The following TENM4 variants were observed in gnomAD, a reference collection of about 807,000 sequenced individuals.
The protein encoded by TENM4 is teneurin transmembrane protein 4.
TENM4 carries 82 observed loss-of-function variants against 243.3 expected under a neutral mutation model. The ratio of observed to expected loss-of-function variants is 0.34; its 90% CI spans 0.28 to 0.40. The LOEUF is 0.40. Ranked by LOEUF, TENM4 falls within the 10% of genes least tolerant of loss-of-function variation. The probability of loss-of-function intolerance (pLI) is 1.00; values close to 1 mark genes in which losing one functional copy is unlikely to be tolerated. For missense variants in TENM4, 3,138 were observed against 3,673.3 expected (o/e 0.85, Z 3.77); for synonymous variants, 1,412 against 1,456.3 (o/e 0.97, Z 0.69).
At chr11:78,707,735 A>G (rs1859292194) in intron 27 of TENM4, among the ~76,000 whole-genome samples, 1 of 152,226 alleles carries the variant, frequency 6.6e-6, no homozygotes, top group Non-Finnish European at 1.5e-5. Context: ...TTGTTCATTC[A>G]TCACCTCTGA....
At chr11:79,234,514 G>C (rs1285697170) in intron 2 of TENM4, among the ~76,000 whole-genome samples, 1 of 152,180 alleles carries the variant, frequency 6.6e-6, no homozygotes, top group East Asian at 1.9e-4. Context: ...TGTACCAAGG[G>C]CTGCCCTCAG....
intron 3 of TENM4, among the ~76,000 whole-genome samples, chr11:79,149,830 C>A (rs1862468369): frequency 6.6e-6 from 1 of 152,250 alleles, no homozygotes; most frequent in East Asian, 1.9e-4. Flanking sequence ...TCCCTCACAC[C>A]ATTTAAAATT....
chr11:78,816,071 T>G (rs1419757093), intron 12 of TENM4, among the ~76,000 whole-genome samples: 3 of 152,232 alleles, frequency 2.0e-5, no homozygotes, highest in Non-Finnish European at 4.4e-5. Context: ...GCTCTGTGAC[T>G]GACACAGCCA....
At chr11:78,984,082 T>A (rs1046153066) in intron 6 of TENM4, among the ~76,000 whole-genome samples, 1 of 152,162 alleles carries the variant, frequency 6.6e-6, no homozygotes, top group African/African-American at 2.4e-5. Context: ...GCCACCAGTT[T>A]CTTCTCTGAA....
intron 9 of TENM4, among the ~76,000 whole-genome samples, chr11:78,884,479 A>G (rs1162614263): frequency 1.3e-5 from 2 of 152,106 alleles, no homozygotes; most frequent in Non-Finnish European, 2.9e-5. Flanking sequence ...TATATAGCAT[A>G]GTTGGCTGAA....
chr11:78,994,687 G>A (rs1039681775), intron 6 of TENM4, among the ~76,000 whole-genome samples: 5 of 152,214 alleles, frequency 3.3e-5, no homozygotes, highest in Admixed American at 2.0e-4. Flanking sequence ...GGGAAATGGA[G>A]AATCGGAAGA....
Position 79,184,239 on chromosome 11 carries a change from G to T in TENM4, c.-163+31569C>A, listed in dbSNP as rs553927968. Among the ~76,000 whole-genome samples, 34 of 152,246 alleles carry T rather than the reference G, an allele frequency of 2.2e-4. No homozygotes were observed. The South Asian group carries it at 3.1e-3, about 14-fold the overall frequency. Reference sequence around the variant, plus strand: ...AGAGCAGCAGCCCCCAACCTTTTTGGTACCAGGGACTGGTTTCATGGAAGA... The same window carrying T: ...AGAGCAGCAGCCCCCAACCTTTTTGTTACCAGGGACTGGTTTCATGGAAGA... On this transcript the variant is annotated intron_variant, in intron 3 of 33. Transcript: ENST00000278550.
intron 6 of TENM4, among the ~76,000 whole-genome samples, chr11:78,993,033 T>C (rs1233442120): frequency 6.6e-6 from 1 of 152,198 alleles, no homozygotes; most frequent in African/African-American, 2.4e-5. Context: ...ATTACCTTTA[T>C]TCATTCAGGT....
chr11:78,890,204 C>T (rs1005329464), intron 8 of TENM4, among the ~76,000 whole-genome samples, 184 bp from the exon 9 acceptor site: 5 of 152,120 alleles, frequency 3.3e-5, no homozygotes, highest in Admixed American at 1.3e-4. Context: ...TGGAACAGGG[C>T]ACACAGAGAC....
intron 6 of TENM4, among the ~76,000 whole-genome samples, chr11:78,913,630 A>T (rs11237657): frequency 0.012 from 1,417 of 113,492 alleles, 11 homozygotes; most frequent in African/African-American, 0.027. Flanking sequence ...TGTGTGTGTG[A>T]GTGTCGGGGG....
intron 2 of TENM4, among the ~76,000 whole-genome samples, chr11:79,256,156 T>C (rs1855697775): frequency 6.6e-6 from 1 of 152,232 alleles, no homozygotes; most frequent in Admixed American, 6.5e-5. Flanking sequence ...ACCTAAGGCA[T>C]GGCTGCTGTC....
chr11:79,122,949 A>G (rs1471176744), intron 4 of TENM4, among the ~76,000 whole-genome samples: 3 of 152,228 alleles, frequency 2.0e-5, no homozygotes, highest in Non-Finnish European at 4.4e-5. Flanking sequence ...ATGGTTAAGC[A>G]CCAATAACCG....
intron 2 of TENM4, among the ~76,000 whole-genome samples, chr11:79,290,711 G>A (rs1856341739): frequency 6.6e-6 from 1 of 151,968 alleles, no homozygotes; most frequent in Non-Finnish European, 1.5e-5. Context: ...ACAAATGACT[G>A]TCTTCTTCCT....
intron 2 of TENM4, among the ~76,000 whole-genome samples, chr11:79,224,459 C>A (rs1388698647): frequency 6.6e-6 from 1 of 151,988 alleles, no homozygotes; most frequent in African/African-American, 2.4e-5. Flanking sequence ...TGGTAAGATG[C>A]AAAAACTGAG....
At chr11:78,848,028 G>C (rs1858442763) in intron 12 of TENM4, among the ~76,000 whole-genome samples, 1 of 152,176 alleles carries the variant, frequency 6.6e-6, no homozygotes, top group East Asian at 1.9e-4. Context: ...TAGGAACTTA[G>C]GTGAAGTATC....
At chr11:79,237,396 G>A (rs1864496946) in intron 2 of TENM4, among the ~76,000 whole-genome samples, 1 of 152,208 alleles carries the variant, frequency 6.6e-6, no homozygotes, top group African/African-American at 2.4e-5. Flanking sequence ...TAAACATAGG[G>A]CCTGGCATGG....
At chr11:79,172,277 T>C (rs1863062253) in intron 3 of TENM4, among the ~76,000 whole-genome samples, 2 of 152,078 alleles carry the variant, frequency 1.3e-5, no homozygotes, top group South Asian at 2.1e-4. Flanking sequence ...TTACACTGGA[T>C]CAGCAGATGT....
intron 1 of TENM4, among the ~76,000 whole-genome samples, chr11:79,334,547 T>A (rs983537628): frequency 6.6e-6 from 1 of 152,172 alleles, no homozygotes; most frequent in Non-Finnish European, 1.5e-5. Context: ...CATTCTCACT[T>A]CATGCTGCTA....
intron 3 of TENM4, among the ~76,000 whole-genome samples, chr11:79,168,117 C>T (rs1471768468): frequency 6.6e-6 from 1 of 152,214 alleles, no homozygotes; most frequent in Non-Finnish European, 1.5e-5. Flanking sequence ...TGGCAGGAGC[C>T]TGAGATGGGC....
Sources: allele counts gnomAD v4.1 joint callset (sites outside exome capture counted in the v4.1 genomes callset), GRCh38; gene constraint gnomAD v4.1.1; transcripts MANE v1.5; gene names NCBI Gene and HGNC (gene_info 2026-07-23, HGNC 2026-07-21).